The following ABTB3 variants were observed in gnomAD, a reference collection of about 807,000 sequenced individuals.
The protein encoded by ABTB3 is ankyrin repeat- and BTB/POZ domain-containing protein 3.
chr12:107,626,343 C>CTTTTTTTTTTT, the ABTB3 span, among the ~76,000 whole-genome samples: 3 of 112,530 alleles, frequency 2.7e-5, no homozygotes, highest in African/African-American at 1.1e-4. Flanking sequence ...CTATCGTCAT[C>CTTTTTTTTTTT]TTTTTTTTTT....
At chr12:107,605,534 G>A in the ABTB3 span, among the ~76,000 whole-genome samples, 3 of 152,194 alleles carry the variant, frequency 2.0e-5, no homozygotes, top group Admixed American at 1.3e-4. Context: ...GAGGAGAGTC[G>A]CTGTTGCAGA....
the ABTB3 span, among the ~76,000 whole-genome samples, chr12:107,457,607 G>A: frequency 3.9e-5 from 6 of 152,202 alleles, no homozygotes; most frequent in Admixed American, 6.5e-5. Flanking sequence ...CGAGCTCAGA[G>A]CTGTCCCAAT....
chr12:107,616,819 C>A, the ABTB3 span, among the ~76,000 whole-genome samples: 16 of 152,214 alleles, frequency 1.1e-4, no homozygotes, highest in African/African-American at 3.9e-4. Context: ...ATTCAGTAGA[C>A]CTGGGTGGGG....
chr12:107,520,403 T>G, the ABTB3 span: 6 of 1,533,800 alleles, frequency 3.9e-6, no homozygotes, highest in Non-Finnish European at 5.3e-6. Flanking sequence ...TTTGAGGTTG[T>G]GCAAGATGTT....
At chr12:107,418,200 A>G in the ABTB3 span, among the ~76,000 whole-genome samples, 2 of 152,240 alleles carry the variant, frequency 1.3e-5, no homozygotes, top group African/African-American at 4.8e-5. Flanking sequence ...TAAAGCAGGC[A>G]GAAAAACCTT....
chr12:107,627,005 ATTAAT>A, the ABTB3 span, among the ~76,000 whole-genome samples: 82 of 152,204 alleles, frequency 5.4e-4, no homozygotes, highest in African/African-American at 4.8e-5. Context: ...TAAAATTAAA[ATTAAT>A]TTAATTCTAA....
chr12:107,527,506 G>C, the ABTB3 span, among the ~76,000 whole-genome samples: 22 of 151,994 alleles, frequency 1.4e-4, 1 homozygote, highest in Admixed American at 1.4e-3. Context: ...TCTTGAGCTC[G>C]AGCATTCTGC....
chr12:107,378,080 C>G, the ABTB3 span, among the ~76,000 whole-genome samples: 1 of 152,202 alleles, frequency 6.6e-6, no homozygotes, highest in African/African-American at 2.4e-5. Context: ...TTCACAAACA[C>G]CAGTGGAGTG....
the ABTB3 span, among the ~76,000 whole-genome samples, chr12:107,563,968 T>G: frequency 6.6e-6 from 1 of 152,292 alleles, no homozygotes; most frequent in South Asian, 2.1e-4. Flanking sequence ...TCCATGTTAG[T>G]GCATTTATCC....
chr12:107,331,603 A>G, the ABTB3 span, among the ~76,000 whole-genome samples: 1 of 152,162 alleles, frequency 6.6e-6, no homozygotes, highest in South Asian at 2.1e-4. Flanking sequence ...GCGGTGGGGA[A>G]GCCTGCAGGG....
At chr12:107,612,773 A>G in the ABTB3 span, 1 of 1,610,858 alleles carries the variant, frequency 6.2e-7, no homozygotes, top group Non-Finnish European at 8.5e-7. Context: ...TTTTTAACTC[A>G]CCACAGGGCA....
the ABTB3 span, among the ~76,000 whole-genome samples, chr12:107,493,608 A>T: frequency 3.3e-5 from 5 of 152,144 alleles, no homozygotes; most frequent in African/African-American, 1.2e-4. Context: ...TCATATGGTG[A>T]GGTCCTAACC....
the ABTB3 span, among the ~76,000 whole-genome samples, chr12:107,604,534 T>C: frequency 1.3e-5 from 2 of 152,180 alleles, no homozygotes; most frequent in African/African-American, 4.8e-5. Flanking sequence ...TATCGCTAAC[T>C]GTCAGGGAAT....
the ABTB3 span, among the ~76,000 whole-genome samples, chr12:107,373,130 C>T: frequency 6.6e-6 from 1 of 152,206 alleles, no homozygotes; most frequent in Non-Finnish European, 1.5e-5. Flanking sequence ...TTGAGAACTA[C>T]TGGCCTAGAA....
the ABTB3 span, among the ~76,000 whole-genome samples, chr12:107,459,469 T>G: frequency 1.6e-4 from 24 of 152,206 alleles, no homozygotes; most frequent in Admixed American, 3.9e-4. Context: ...TAAACAAAAT[T>G]CAAACCTATA....
At chr12:107,488,766 C>A in the ABTB3 span, among the ~76,000 whole-genome samples, 3 of 151,868 alleles carry the variant, frequency 2.0e-5, no homozygotes, top group African/African-American at 7.3e-5. Context: ...GCAACCATCA[C>A]CACCATCTAA....
chr12:107,581,369 C>G, the ABTB3 span: 2 of 1,237,852 alleles, frequency 1.6e-6, no homozygotes, highest in Non-Finnish European at 2.0e-6. Context: ...GCCTCCACCC[C>G]TCCAATCAGA....
At chr12:107,425,527 C>A in the ABTB3 span, among the ~76,000 whole-genome samples, 1 of 152,208 alleles carries the variant, frequency 6.6e-6, no homozygotes, top group East Asian at 1.9e-4. Context: ...TAAACAAACT[C>A]AAAGAATTGC....
the ABTB3 span, among the ~76,000 whole-genome samples, chr12:107,485,246 C>T: frequency 5.3e-5 from 8 of 152,234 alleles, no homozygotes; most frequent in Non-Finnish European, 1.0e-4. Flanking sequence ...GTTGATTCCT[C>T]AGTTTTTCAG....
Sources: allele counts gnomAD v4.1 joint callset (sites outside exome capture counted in the v4.1 genomes callset), GRCh38; gene constraint gnomAD v4.1.1; transcripts MANE v1.5; gene names NCBI Gene and HGNC (gene_info 2026-07-23, HGNC 2026-07-21).